The following SH2D4A variants were observed in gnomAD, a reference collection of about 807,000 sequenced individuals.
SH2D4A encodes SH2 domain-containing protein 4A.
A neutral mutation model predicts 64.7 loss-of-function variants in SH2D4A; 70 were observed. That is an observed-to-expected ratio of 1.08 (90% confidence interval 0.89 to 1.32). The LOEUF (loss-of-function observed/expected upper bound fraction) is 1.32, where lower values mean the gene tolerates loss of function less well. Among genes scored for constraint, SH2D4A ranks in the 40% most tolerant of loss-of-function variants. The probability of loss-of-function intolerance (pLI) is 0.00; values close to 1 mark genes in which losing one functional copy is unlikely to be tolerated. For missense variants in SH2D4A, 706 were observed against 540.1 expected, an observed-to-expected ratio of 1.31 and a Z score of -3.04; for synonymous variants, 268 against 200.7, an observed-to-expected ratio of 1.34 and a Z score of -2.83.
chr8:19,368,636 T>C lies in SH2D4A; in HGVS notation c.917+4354T>C, dbSNP rs138693383. Among the ~76,000 whole-genome samples the C allele has an allele frequency of 8.3e-3, 1,207 of 144,752 alleles. 10 individuals are homozygous for C. Among genetic ancestry groups the C allele is most frequent in the African/African-American group, 0.029 (1,148 of 39,312 alleles). The allele number at this position is 144,752 out of a possible 152,430, so 95.0% of individuals were successfully genotyped here. On this transcript the variant is annotated intron_variant, in intron 7 of 9. Coordinates refer to ENST00000265807, the MANE Select transcript of SH2D4A (RefSeq NM_022071.4). ...ATAAAATTGCTTTTTTTTTTTTTTG[T>C]TAGTCCATTGTTGATGCATAGAGAT...
intron 4 of SH2D4A, among the ~76,000 whole-genome samples, chr8:19,351,315 A>G (rs2052700693): frequency 6.6e-6 from 1 of 152,208 alleles, no homozygotes; most frequent in African/African-American, 2.4e-5. Flanking sequence ...TAGTGAAACT[A>G]GATCTCTGCT....
At chr8:19,361,418 A>G in intron 6 of SH2D4A, 104 bp downstream of exon 6, 1 of 1,170,930 alleles carries the variant, frequency 8.5e-7, no homozygotes, top group Non-Finnish European at 1.1e-6. Context: ...TTGTTGAGAG[A>G]TATGTTCACA....
chr8:19,321,493 C>G (rs147901394), intron 2 of SH2D4A, among the ~76,000 whole-genome samples: 32 of 152,292 alleles, frequency 2.1e-4, no homozygotes, highest in African/African-American at 7.0e-4. Flanking sequence ...GGATTACAGG[C>G]CTGAGCCACT....
At chr8:19,359,328 C>T (rs898621382) in intron 5 of SH2D4A, among the ~76,000 whole-genome samples, 3 of 152,128 alleles carry the variant, frequency 2.0e-5, no homozygotes, top group African/African-American at 7.2e-5. Context: ...GTAACATCAA[C>T]CAAGTACTAC....
chr8:19,350,441 T>G (rs1395373622), intron 4 of SH2D4A, among the ~76,000 whole-genome samples: 2 of 152,176 alleles, frequency 1.3e-5, no homozygotes, highest in Non-Finnish European at 2.9e-5. Flanking sequence ...CATAATAAAC[T>G]AGGACACCAA....
intron 4 of SH2D4A, among the ~76,000 whole-genome samples, chr8:19,335,244 C>G (rs1286761176): frequency 3.3e-5 from 5 of 151,816 alleles, no homozygotes; most frequent in Non-Finnish European, 7.4e-5. Context: ...GCCGAGATTG[C>G]GACACTGCAC....
intron 4 of SH2D4A, among the ~76,000 whole-genome samples, chr8:19,354,729 G>C (rs2052762510): frequency 6.6e-6 from 1 of 152,210 alleles, no homozygotes; most frequent in Non-Finnish European, 1.5e-5. Context: ...CACGCATTGT[G>C]TTCAAAGCAC....
intron 7 of SH2D4A, among the ~76,000 whole-genome samples, chr8:19,370,844 T>C (rs968844409): frequency 6.6e-6 from 1 of 152,132 alleles, no homozygotes; most frequent in Admixed American, 6.5e-5. Flanking sequence ...CACTTTTCTC[T>C]AGTAGTACAT....
chr8:19,330,883 G>C (rs1227494485), intron 2 of SH2D4A, among the ~76,000 whole-genome samples: 1 of 152,226 alleles, frequency 6.6e-6, no homozygotes, highest in Non-Finnish European at 1.5e-5. Context: ...AGGTATGACA[G>C]CTTTCTAAAG....
At position 19,364,104 on chromosome 8, in the gene SH2D4A, C is replaced by G; in HGVS notation, c.739C>G (p.Arg247Gly). ...ATCCAAAGCAGCTGATGAGAAGAGA[C>G]GCTCCTTGGCTAAACAAGCACGAGA... ...RKSKAADEKRRSLAKQAREDY... is the reference protein window; with the variant it reads ...RKSKAADEKRGSLAKQAREDY... The change falls in exon 7 of 10, where the codon CGC (arginine) becomes GGC (glycine). Residue 247 changes from arginine (R) to glycine (G), a missense_variant. Transcript: ENST00000265807. The G allele has an allele frequency of 6.2e-7, 1 of 1,613,964 alleles. No homozygotes were observed. The highest frequency in any genetic ancestry group is 2.2e-5 in the East Asian group (1 of 44,860).
At chr8:19,374,780 C>G (rs973665480) in intron 8 of SH2D4A, among the ~76,000 whole-genome samples, 8 of 152,072 alleles carry the variant, frequency 5.3e-5, no homozygotes, top group African/African-American at 1.9e-4. Context: ...TGCTTGAAGA[C>G]AATGAGAGAG....
At chr8:19,394,527 AC>A in intron 9 of SH2D4A, 22 bp from the exon 10 acceptor site, 1 of 1,565,188 alleles carries the variant, frequency 6.4e-7, no homozygotes, top group East Asian at 2.3e-5. Context: ...ACACTATCTG[AC>A]CCCGTGCCTT....
intron 2 of SH2D4A, among the ~76,000 whole-genome samples, chr8:19,325,532 G>A (rs1008274913): frequency 6.6e-6 from 1 of 152,190 alleles, no homozygotes; most frequent in Admixed American, 6.5e-5. Flanking sequence ...ATTAAACTGG[G>A]ATTGGCTTCC....
chr8:19,315,912 A>G (rs1036346126), intron 1 of SH2D4A, among the ~76,000 whole-genome samples: 1 of 152,212 alleles, frequency 6.6e-6, no homozygotes, highest in Non-Finnish European at 1.5e-5. Context: ...TAGAAGTCAC[A>G]GACTGAACCA....
chr8:19,365,879 G>A (rs1313449431), intron 7 of SH2D4A, among the ~76,000 whole-genome samples: 7 of 152,248 alleles, frequency 4.6e-5, no homozygotes, highest in Non-Finnish European at 1.0e-4. Flanking sequence ...TAATTTGGAA[G>A]CTAGTAAGAG....
intron 4 of SH2D4A, among the ~76,000 whole-genome samples, chr8:19,350,903 A>C (rs150608190): frequency 6.6e-6 from 1 of 152,304 alleles, no homozygotes; most frequent in Non-Finnish European, 1.5e-5. Context: ...TATTAGAAAA[A>C]TAAGGAAAAG....
intron 8 of SH2D4A, among the ~76,000 whole-genome samples, chr8:19,380,218 T>C (rs893175666): frequency 2.0e-5 from 3 of 152,216 alleles, no homozygotes; most frequent in Non-Finnish European, 4.4e-5. Context: ...CAGTTTTGGA[T>C]TGGGTTCTTG....
chr8:19,316,096 G>A (rs1403713417), intron 1 of SH2D4A, among the ~76,000 whole-genome samples: 1 of 152,124 alleles, frequency 6.6e-6, no homozygotes, highest in African/African-American at 2.4e-5. Flanking sequence ...GCGGGGGTTA[G>A]GGGTTGGGAA....
chr8:19,341,379 C>A (rs980961021), intron 4 of SH2D4A, among the ~76,000 whole-genome samples: 2 of 152,198 alleles, frequency 1.3e-5, no homozygotes, highest in Non-Finnish European at 2.9e-5. Context: ...AAAAAATCTT[C>A]AAGCAGTTTT....
Sources: allele counts gnomAD v4.1 joint callset (sites outside exome capture counted in the v4.1 genomes callset), GRCh38; gene constraint gnomAD v4.1.1; transcripts MANE v1.5; gene names NCBI Gene and HGNC (gene_info 2026-07-23, HGNC 2026-07-21).